Variants in COL5A2 observed in about 807,000 individuals in gnomAD.
COL5A2 encodes the protein collagen type V alpha 2 chain, also known as collagen alpha-2(V) chain.
Under a neutral mutation model 208.2 loss-of-function variants are expected in COL5A2, and 23 were observed. The observed-to-expected ratio is 0.11, with a 90% CI of 0.08 to 0.16. The LOEUF (loss-of-function observed/expected upper bound fraction) is 0.16, where lower values mean the gene tolerates loss of function less well. Among genes scored for constraint, COL5A2 ranks in the 10% least tolerant of loss-of-function variants. The probability of loss-of-function intolerance (pLI) is 1.00; values close to 1 mark genes in which losing one functional copy is unlikely to be tolerated. For synonymous variants in COL5A2, 625 were observed against 628.5 expected (o/e 0.99, Z 0.08); for missense variants, 1,590 against 1,956.4 (o/e 0.81, Z 3.53).
intron 1 of COL5A2, among the ~76,000 whole-genome samples, chr2:189,144,371 G>GA (rs1163543943): frequency 6.6e-6 from 1 of 152,018 alleles, no homozygotes; most frequent in Non-Finnish European, 1.5e-5. Context: ...GGAGAGGGGA[G>GA]AAAAACAATC....
chr2:189,099,629 A>C (rs1033935041), intron 4 of COL5A2, among the ~76,000 whole-genome samples: 1 of 152,164 alleles, frequency 6.6e-6, no homozygotes, highest in East Asian at 1.9e-4. Flanking sequence ...TGTTTCAAAA[A>C]AATAAAAATA....
chr2:189,308,559 C>T, the COL5A2 span, among the ~76,000 whole-genome samples: 2 of 152,108 alleles, frequency 1.3e-5, no homozygotes, highest in Non-Finnish European at 2.9e-5. Context: ...AGAGAATTAA[C>T]TTAGAGTCTG....
the COL5A2 span, among the ~76,000 whole-genome samples, chr2:189,243,269 G>A: frequency 6.6e-6 from 1 of 152,146 alleles, no homozygotes; most frequent in African/African-American, 2.4e-5. Flanking sequence ...TCATTTTTAA[G>A]TTCAATCTAG....
chr2:189,344,056 T>C, the COL5A2 span, among the ~76,000 whole-genome samples: 1 of 152,200 alleles, frequency 6.6e-6, no homozygotes, highest in African/African-American at 2.4e-5. Context: ...TATAAGCCAA[T>C]TTAGTAGACA....
At chr2:189,117,646 T>C (rs892173951) in intron 1 of COL5A2, among the ~76,000 whole-genome samples, 3 of 152,070 alleles carry the variant, frequency 2.0e-5, no homozygotes, top group Non-Finnish European at 4.4e-5. Flanking sequence ...GCTCAAATGT[T>C]ACCTACTCTG....
intron 1 of COL5A2, among the ~76,000 whole-genome samples, chr2:189,173,730 T>G (rs572818378): frequency 1.3e-5 from 2 of 152,310 alleles, no homozygotes; most frequent in East Asian, 3.9e-4. Flanking sequence ...GTTGATACTG[T>G]CTCGTGCTAC....
At chr2:189,145,196 T>C (rs1688014171) in intron 1 of COL5A2, among the ~76,000 whole-genome samples, 1 of 152,086 alleles carries the variant, frequency 6.6e-6, no homozygotes, top group South Asian at 2.1e-4. Context: ...TTCTTGCACT[T>C]AGAAAGGGTT....
chr2:189,260,010 C>T, the COL5A2 span, among the ~76,000 whole-genome samples: 17 of 152,112 alleles, frequency 1.1e-4, no homozygotes, highest in South Asian at 1.0e-3. Flanking sequence ...CTGGATACAA[C>T]GATATATGGA....
the COL5A2 span, among the ~76,000 whole-genome samples, chr2:189,362,140 T>C: frequency 6.6e-6 from 1 of 152,122 alleles, no homozygotes; most frequent in Non-Finnish European, 1.5e-5. Flanking sequence ...GCATAGAATA[T>C]ATGAAAATGA....
chr2:189,107,615 A>G (rs1687176837), intron 2 of COL5A2, among the ~76,000 whole-genome samples: 1 of 151,568 alleles, frequency 6.6e-6, no homozygotes, highest in South Asian at 2.1e-4. Flanking sequence ...AAGATGCTAA[A>G]TGCACATACT....
chr2:189,381,072 T>C, the COL5A2 span, among the ~76,000 whole-genome samples: 1 of 152,106 alleles, frequency 6.6e-6, no homozygotes, highest in African/African-American at 2.4e-5. Context: ...GGTAATGTTA[T>C]AAAAGCTGAA....
At chr2:189,210,052 G>C (rs1689192450) in intron 1 of COL5A2, among the ~76,000 whole-genome samples, 2 of 152,028 alleles carry the variant, frequency 1.3e-5, no homozygotes, top group Admixed American at 1.3e-4. Flanking sequence ...AAATCCTCCT[G>C]GTCCTTTTTT....
At chr2:189,241,254 T>A in the COL5A2 span, among the ~76,000 whole-genome samples, 1 of 152,186 alleles carries the variant, frequency 6.6e-6, no homozygotes, top group African/African-American at 2.4e-5. Context: ...ACTATTTAAA[T>A]TGAATGAACA....
the COL5A2 span, among the ~76,000 whole-genome samples, chr2:189,351,201 C>T: frequency 2.6e-5 from 4 of 152,180 alleles, no homozygotes; most frequent in Non-Finnish European, 5.9e-5. Flanking sequence ...CTAAAACAGA[C>T]GCTATTTCAA....
At chr2:189,212,903 T>TTGGAGA (rs1689234096) in intron 1 of COL5A2, among the ~76,000 whole-genome samples, 1 of 151,186 alleles carries the variant, frequency 6.6e-6, no homozygotes, top group Non-Finnish European at 1.5e-5. Flanking sequence ...ATATATATTT[T>TTGGAGA]TGGAGATGGA....
At chr2:189,220,907 C>T (rs918582842) in intron 1 of COL5A2, among the ~76,000 whole-genome samples, 4 of 152,100 alleles carry the variant, frequency 2.6e-5, no homozygotes, top group African/African-American at 7.2e-5. Flanking sequence ...AGTTTCAGTG[C>T]TTATCTCTTC....
intron 3 of COL5A2, among the ~76,000 whole-genome samples, chr2:189,100,379 T>A (rs976753156): frequency 3.9e-5 from 6 of 152,150 alleles, no homozygotes; most frequent in Non-Finnish European, 7.4e-5. Flanking sequence ...GTAAAGCTAT[T>A]TTGCTTCAGT....
the COL5A2 span, among the ~76,000 whole-genome samples, chr2:189,280,426 G>A: frequency 1.3e-5 from 2 of 152,016 alleles, no homozygotes; most frequent in Non-Finnish European, 2.9e-5. Flanking sequence ...TTCCTACTAT[G>A]CTTGAAATTA....
In COL5A2 at chr2:189,104,345, T is replaced by C. The variant is rs1687109442; in HGVS notation, c.323-68A>G. On this transcript the variant is annotated intron_variant, in intron 2 of 53. Coordinates refer to ENST00000374866, the MANE Select transcript of COL5A2 (RefSeq NM_000393.5). ...AATTATTGAGAATCTGCTAAATATT[T>C]ACTTTCAATAATAGATTTCTTCTGG... 2.9e-6 allele frequency: 3 copies of C among 1,048,498 alleles called. No individual in the cohort carries two copies. The Admixed American group carries it at 5.2e-5, about 18-fold the overall frequency. The allele number at this position is 1,048,498 out of a possible 1,614,324, so 64.9% of individuals were successfully genotyped here. A position where few individuals can be genotyped will look rare whatever the true frequency, so the allele number is the denominator to read the frequency against.
Sources: allele counts gnomAD v4.1 joint callset (sites outside exome capture counted in the v4.1 genomes callset), GRCh38; gene constraint gnomAD v4.1.1; transcripts MANE v1.5; gene names NCBI Gene and HGNC (gene_info 2026-07-23, HGNC 2026-07-21).